EVI5: variants seen among roughly 807,000 people sequenced by gnomAD.
EVI5 encodes the protein ecotropic viral integration site 5 protein homolog.
In EVI5, 73 loss-of-function variants were observed where a neutral mutation model predicts 112.0. That is an observed-to-expected ratio of 0.65 (90% confidence interval 0.54 to 0.79). The LOEUF is 0.79. Ranked by LOEUF, EVI5 falls within the 30% of genes least tolerant of loss-of-function variation. The pLI is 0.00. For synonymous variants in EVI5, 305 were observed against 319.9 expected (o/e 0.95, Z 0.50); for missense variants, 900 against 968.8 (o/e 0.93, Z 0.94).
intron 14 of EVI5, among the ~76,000 whole-genome samples, chr1:92,632,864 G>A (rs1036512715): frequency 3.0e-4 from 45 of 152,154 alleles, no homozygotes; most frequent in Non-Finnish European, 6.3e-4. Context: ...AGAGATTCTG[G>A]TATGCTGTGT....
At chr1:92,709,358 T>C (rs184398438) in intron 2 of EVI5, among the ~76,000 whole-genome samples, 1 of 152,310 alleles carries the variant, frequency 6.6e-6, no homozygotes, top group Admixed American at 6.5e-5. Flanking sequence ...TTTTATCACT[T>C]CATCAATATT....
intron 2 of EVI5, among the ~76,000 whole-genome samples, chr1:92,716,178 C>A (rs1673640957): frequency 1.3e-5 from 2 of 152,132 alleles, no homozygotes; most frequent in African/African-American, 4.8e-5. Context: ...TCCTGACCCC[C>A]ATGTAGCCTA....
chr1:92,748,930 G>A (rs539857062), intron 1 of EVI5, among the ~76,000 whole-genome samples: 1 of 152,112 alleles, frequency 6.6e-6, no homozygotes, highest in East Asian at 1.9e-4. Flanking sequence ...GCTGGGCGTG[G>A]TGGCGTATAT....
intron 19 of EVI5, among the ~76,000 whole-genome samples, chr1:92,534,516 C>T (rs1301213063): frequency 2.0e-5 from 3 of 152,164 alleles, no homozygotes; most frequent in Non-Finnish European, 2.9e-5. Context: ...TATCACGCTA[C>T]CTGACTTCAA....
intron 19 of EVI5, among the ~76,000 whole-genome samples, chr1:92,529,097 T>C (rs918367846): frequency 1.3e-5 from 2 of 152,222 alleles, no homozygotes; most frequent in Non-Finnish European, 2.9e-5. Context: ...TTTTTGCCCA[T>C]TACAAAATTG....
At chr1:92,539,308 C>T (rs954484257) in intron 19 of EVI5, among the ~76,000 whole-genome samples, 1 of 151,964 alleles carries the variant, frequency 6.6e-6, no homozygotes. Context: ...TTTGGGAGGC[C>T]GAGGCGGGCG....
chr1:92,556,371 A>G (rs1299581968), intron 19 of EVI5, among the ~76,000 whole-genome samples: 15 of 152,158 alleles, frequency 9.9e-5, no homozygotes, highest in Admixed American at 9.8e-4. Flanking sequence ...AGAAAAATAC[A>G]AGCATAAGGA....
intron 18 of EVI5, among the ~76,000 whole-genome samples, chr1:92,589,981 C>A (rs143705965): frequency 1.3e-5 from 2 of 152,296 alleles, no homozygotes; most frequent in East Asian, 3.9e-4. Context: ...CTGCAGCCTC[C>A]GCTGCTGATA....
intron 18 of EVI5, among the ~76,000 whole-genome samples, chr1:92,564,612 T>C (rs985887992): frequency 2.0e-5 from 3 of 152,006 alleles, no homozygotes; most frequent in East Asian, 1.9e-4. Flanking sequence ...TCTAGGGATA[T>C]AGATTGGTGA....
At chr1:92,736,901 G>A (rs1485537844) in intron 1 of EVI5, among the ~76,000 whole-genome samples, 2 of 152,044 alleles carry the variant, frequency 1.3e-5, no homozygotes, top group South Asian at 4.1e-4. Flanking sequence ...AAATGAAAAA[G>A]AGCAAAAATA....
chr1:92,533,038 C>T (rs961759266), intron 19 of EVI5, among the ~76,000 whole-genome samples: 10 of 147,390 alleles, frequency 6.8e-5, no homozygotes, highest in African/African-American at 2.5e-4. Flanking sequence ...AAATAGACCA[C>T]TAGCCAGACT....
At chr1:92,663,337 A>T in intron 12 of EVI5, 83 bp downstream of exon 12, 1 of 638,350 alleles carries the variant, frequency 1.6e-6, no homozygotes, top group Non-Finnish European at 2.5e-6. Flanking sequence ...TGCATGCATT[A>T]AAATATGAAT....
intron 1 of EVI5, among the ~76,000 whole-genome samples, chr1:92,774,413 A>G (rs577673548): frequency 1.3e-5 from 2 of 152,338 alleles, no homozygotes; most frequent in African/African-American, 4.8e-5. Flanking sequence ...TACTGGATTC[A>G]TTTCTGACAT....
intron 9 of EVI5, among the ~76,000 whole-genome samples, chr1:92,689,941 G>C (rs1669214297): frequency 6.6e-6 from 1 of 152,162 alleles, no homozygotes; most frequent in South Asian, 2.1e-4. Context: ...CCAGGCTGGA[G>C]TGCAGTGCTG....
intron 19 of EVI5, among the ~76,000 whole-genome samples, chr1:92,546,424 C>A (rs970532124): frequency 6.6e-6 from 1 of 152,060 alleles, no homozygotes; most frequent in African/African-American, 2.4e-5. Flanking sequence ...ATAGGCTGGG[C>A]GCGGTGGTTC....
chr1:92,656,184 A>G (rs564717819), intron 13 of EVI5, among the ~76,000 whole-genome samples: 15 of 152,318 alleles, frequency 9.8e-5, no homozygotes, highest in South Asian at 8.3e-4. Flanking sequence ...AAAAATCAAA[A>G]TCATATCAAG....
Position 92,636,187 on chromosome 1 carries a change from G to C in EVI5, c.1527+15C>G. The C allele has an allele frequency of 1.2e-6, 2 of 1,602,630 alleles. No homozygotes were observed. The highest frequency in any genetic ancestry group is 2.3e-5 in the South Asian group (2 of 88,572). On this transcript the variant is annotated intron_variant, in intron 14 of 19. Transcript: ENST00000684568. The stretch of plus-strand genomic sequence containing the variant: ...CTCTAATTTGGGAATGACTGCATTT[G>C]TGTAGGTTTCTTACCTTCTCTATAT...
intron 16 of EVI5, among the ~76,000 whole-genome samples, chr1:92,616,743 C>T (rs1431054348): frequency 6.6e-6 from 1 of 152,140 alleles, no homozygotes; most frequent in Non-Finnish European, 1.5e-5. Context: ...TGGCCTGTTA[C>T]TGGACTTTGG....
chr1:92,575,309 T>C (rs2101028407), intron 18 of EVI5, among the ~76,000 whole-genome samples: 1 of 152,342 alleles, frequency 6.6e-6, no homozygotes, highest in East Asian at 1.9e-4. Flanking sequence ...ATTGCAGGTG[T>C]CATGACATTT....
Sources: allele counts gnomAD v4.1 joint callset (sites outside exome capture counted in the v4.1 genomes callset), GRCh38; gene constraint gnomAD v4.1.1; transcripts MANE v1.5; gene names NCBI Gene and HGNC (gene_info 2026-07-23, HGNC 2026-07-21).